IFIH1: variants seen among roughly 807,000 people sequenced by gnomAD.
IFIH1 encodes the protein interferon-induced helicase C domain-containing protein 1.
A neutral mutation model predicts 107.4 loss-of-function variants in IFIH1; 125 were observed. The observed-to-expected ratio is 1.16, with a 90% CI of 1.01 to 1.35. The LOEUF is 1.35. Ranked by LOEUF, IFIH1 falls within the 40% of genes most tolerant of loss-of-function variation. The pLI is 0.00. For missense variants in IFIH1, 1,333 were observed against 1,213.7 expected (o/e 1.10, Z -1.46); for synonymous variants, 458 against 413.2 (o/e 1.11, Z -1.31).
In IFIH1 at chr2:162,288,302, G is replaced by T. The variant is rs1682932485; in HGVS notation, c.928C>A (p.Pro310Thr). The change falls in exon 5 of 16, where the codon CCT becomes ACT. Residue 310 changes from proline to threonine, a missense_variant. Physicochemically the swap from Pro to Thr is conservative, Grantham distance 38. Transcript: ENST00000649979. ...GGCTGGGCAACTTCCATTTGGTAAG[G>T]CCTGAGCTGGAGTTCTGGCTCCGGG... ...ASPEPELQLR[P>T]YQMEVAQPAL... 1.2e-6 allele frequency: 2 copies of T among 1,612,764 alleles called. No individual in the cohort carries two copies. Among genetic ancestry groups the T allele is most frequent in the Non-Finnish European group, 1.7e-6 (2 of 1,179,230 alleles).
intron 1 of IFIH1, among the ~76,000 whole-genome samples, chr2:162,316,191 G>A (rs924305777): frequency 4.6e-5 from 7 of 152,146 alleles, no homozygotes; most frequent in African/African-American, 1.4e-4. Context: ...GTGCTGTTTC[G>A]CTGGCAATCG....
chr2:162,277,636 T>C lies in IFIH1; in HGVS notation c.1823A>G (p.Asn608Ser), dbSNP rs777064938. 1 of 1,613,136 alleles carries C rather than the reference T, an allele frequency of 6.2e-7. No homozygotes were observed. Among genetic ancestry groups the C allele is most frequent in the Non-Finnish European group, 8.5e-7 (1 of 1,179,392 alleles). ...TGTGTCATTAATTTGTAGGGCCTCA[T>C]TGTACTTCCTCAAATGTTCTGCACA... ...RVCAEHLRKY[N>S]EALQINDTIR... The change falls in exon 10 of 16, where the codon AAT becomes AGT. Residue 608 changes from asparagine (N) to serine (S), a missense_variant. Physicochemically the swap from Asn to Ser is conservative, Grantham distance 46 (BLOSUM62 1). Transcript: ENST00000649979.
At chr2:162,307,904 G>T (rs1258219735) in intron 2 of IFIH1, among the ~76,000 whole-genome samples, 5 of 152,034 alleles carry the variant, frequency 3.3e-5, no homozygotes, top group Non-Finnish European at 5.9e-5. Context: ...AACCTAGATG[G>T]TAAGTAATAT....
chr2:162,314,433 TTTC>T (rs1683445672), intron 1 of IFIH1, among the ~76,000 whole-genome samples: 1 of 107,912 alleles, frequency 9.3e-6, no homozygotes, highest in Non-Finnish European at 1.7e-5. Context: ...TCTTTCTTTC[TTTC>T]TTTCTTTCTT....
In IFIH1 at chr2:162,273,801, CA is replaced by C. The variant is rs1349369420; in HGVS notation, c.2447del (p.Met816ArgfsTer38). ...RYGLVTNEIA[M>X]VQARGRARAD... is the part of the protein sequence containing the mutation. ...TAGAGGTATTTGAATGTACCTGGACCATGGCTATTTCATTGGTGACGAGACC... is the reference window on the plus strand; with the variant it reads ...TAGAGGTATTTGAATGTACCTGGACCTGGCTATTTCATTGGTGACGAGACC... On this transcript the variant is annotated frameshift_variant, in exon 12 of 16. Coordinates refer to ENST00000649979, the MANE Select transcript of IFIH1 (RefSeq NM_022168.4). LOFTEE classifies it high-confidence loss of function. The C allele has an allele frequency of 3.2e-6, 5 of 1,586,802 alleles. No homozygotes were observed. The African/African-American group carries it at 6.8e-5, about 22-fold the overall frequency.
chr2:162,285,151 A>G (rs1682876004), intron 5 of IFIH1, among the ~76,000 whole-genome samples: 1 of 151,922 alleles, frequency 6.6e-6, no homozygotes, highest in African/African-American at 2.4e-5. Context: ...GACTAATCAA[A>G]CCCAACTGCT....
intron 5 of IFIH1, among the ~76,000 whole-genome samples, chr2:162,285,939 AT>A (rs536372499): frequency 1.1e-4 from 17 of 151,946 alleles, no homozygotes; most frequent in Non-Finnish European, 2.1e-4. Flanking sequence ...GGAACTGAGG[AT>A]TTTGATTCTA....
intron 11 of IFIH1, among the ~76,000 whole-genome samples, chr2:162,275,944 A>C (rs1691144689): frequency 6.6e-6 from 1 of 152,188 alleles, no homozygotes; most frequent in Admixed American, 6.6e-5. Flanking sequence ...AGTTTTTTCA[A>C]GTTTCCCTAG....
chr2:162,277,814 C>A, intron 9 of IFIH1, 121 bp from the exon 10 acceptor site: 1 of 1,174,132 alleles, frequency 8.5e-7, no homozygotes, highest in Non-Finnish European at 1.2e-6. Flanking sequence ...TTAAAATGGG[C>A]AAGTTAAGGC....
chr2:162,314,473 T>TTTC (rs1230181081), intron 1 of IFIH1, among the ~76,000 whole-genome samples: 1 of 135,652 alleles, frequency 7.4e-6, no homozygotes, highest in Non-Finnish European at 1.5e-5. Context: ...TCTTTCTTTC[T>TTTC]TTCTTTCTTT....
At chr2:162,271,810 T>A (rs534243930) in intron 13 of IFIH1, among the ~76,000 whole-genome samples, 2 of 152,312 alleles carry the variant, frequency 1.3e-5, no homozygotes, top group African/African-American at 4.8e-5. Flanking sequence ...GAGTCTTATG[T>A]GTTTTGTTTC....
At position 162,314,740 on chromosome 2, in the gene IFIH1, G is replaced by A. The variant is rs561253210; in HGVS notation, c.453+3115C>T. ...CCTGACCTCGAGAGCCACCCTCCTCGGCCTCCCAAAGTGCTGGGATTACAG... is the reference window on the plus strand; with the variant it reads ...CCTGACCTCGAGAGCCACCCTCCTCAGCCTCCCAAAGTGCTGGGATTACAG... On this transcript the variant is annotated intron_variant, in intron 1 of 15. Transcript: ENST00000649979. Among the ~76,000 whole-genome samples the A allele has an allele frequency of 4.0e-5, 6 of 151,836 alleles. No individual in the cohort carries two copies. The South Asian group carries it at 8.3e-4, about 21-fold the overall frequency.
At chr2:162,281,234 A>G in intron 7 of IFIH1, 94 bp downstream of exon 7, 1 of 891,456 alleles carries the variant, frequency 1.1e-6, no homozygotes, top group Non-Finnish European at 1.8e-6. Context: ...TGATGATCAC[A>G]GCACTTGAAC....
rs1690949302 is a variant in IFIH1, at chr2:162,267,518, G to C, written c.2859C>G (p.Asp953Glu). The change falls in exon 15 of 16, where the codon GAC (aspartate) becomes GAG (glutamate). Residue 953 changes from aspartate (D) to glutamate (E), a missense_variant. Asp to Glu is a conservative substitution (Grantham distance 45, BLOSUM62 2). Coordinates refer to ENST00000649979, the MANE Select transcript of IFIH1 (RefSeq NM_022168.4). Reference protein sequence around the residue: ...ENKALQKKCADYQINGEIICK... With the variant: ...ENKALQKKCAEYQINGEIICK... Reference sequence around the variant, plus strand: ...AGATGATTTCACCATTTATTTGATAGTCGGCACACTTCTTTTGCAGTGCTT... The same window carrying C: ...AGATGATTTCACCATTTATTTGATACTCGGCACACTTCTTTTGCAGTGCTT... 1.9e-6 allele frequency: 3 copies of C among 1,613,936 alleles called. No individual in the cohort carries two copies. The highest frequency in any genetic ancestry group is 2.5e-6 in the Non-Finnish European group (3 of 1,179,822).
At chr2:162,273,499 C>T (rs1048538039) in intron 12 of IFIH1, among the ~76,000 whole-genome samples, 1 of 152,134 alleles carries the variant, frequency 6.6e-6, no homozygotes, top group African/African-American at 2.4e-5. Context: ...AAAGAGGAGG[C>T]TGCTTTTGAC....
chr2:162,314,910 G>C (rs1683461042), intron 1 of IFIH1, among the ~76,000 whole-genome samples: 1 of 152,144 alleles, frequency 6.6e-6, no homozygotes, highest in Non-Finnish European at 1.5e-5. Context: ...GCACAAAGAT[G>C]CCACTCAATA....
intron 1 of IFIH1, among the ~76,000 whole-genome samples, chr2:162,317,167 A>G: frequency 6.6e-6 from 1 of 152,204 alleles, no homozygotes; most frequent in Middle Eastern, 3.2e-3. Context: ...CTTTAAGGGC[A>G]CACAGTCTCC....
chr2:162,283,886 C>T (rs950182842), intron 5 of IFIH1, among the ~76,000 whole-genome samples: 1 of 151,656 alleles, frequency 6.6e-6, no homozygotes, highest in African/African-American at 2.4e-5. Context: ...GCAAAGTGGA[C>T]TTAAAATCAG....
At chr2:162,314,028 A>G (rs1683427380) in intron 1 of IFIH1, among the ~76,000 whole-genome samples, 1 of 152,194 alleles carries the variant, frequency 6.6e-6, no homozygotes, top group South Asian at 2.1e-4. Flanking sequence ...TGAACTGGCC[A>G]GGGATGAAAC....
Sources: allele counts gnomAD v4.1 joint callset (sites outside exome capture counted in the v4.1 genomes callset), GRCh38; gene constraint gnomAD v4.1.1; transcripts MANE v1.5; gene names NCBI Gene and HGNC (gene_info 2026-07-23, HGNC 2026-07-21).